Variants in ZNF565 observed in about 807,000 individuals in gnomAD.
ZNF565 encodes the protein zinc finger protein 565.
ZNF565 carries 27 observed loss-of-function variants against 39.4 expected under a neutral mutation model. That is an observed-to-expected ratio of 0.69 (90% CI 0.51 to 0.95). ZNF565 has a LOEUF of 0.95. Among genes scored for constraint, ZNF565 ranks in the 40% least tolerant of loss-of-function variants. The pLI, the probability that ZNF565 is intolerant of heterozygous loss-of-function variation, is 0.00. For synonymous variants in ZNF565, 185 were observed against 216.6 expected (o/e 0.85, Z 1.28); for missense variants, 524 against 621.1 (o/e 0.84, Z 1.66).
intron 1 of ZNF565, 65 bp from the exon 2 acceptor site, chr19:36,202,115 C>T (rs899359640): frequency 3.6e-6 from 3 of 843,464 alleles, no homozygotes; most frequent in African/African-American, 1.7e-5. Context: ...TCAGCACTCC[C>T]AAATAGATGA....
Position 36,183,751 on chromosome 19 carries a change from G to T in ZNF565, c.233-18C>A. On this transcript the variant is annotated intron_variant, in intron 4 of 4. Transcript: ENST00000304116. ...CTCCAAGTCTGAAAAATAAGAAAAA[G>T]ATAAATACAAGCTGTGATCCTTCTC... is the stretch of plus-strand genomic sequence containing the variant. The T allele has an allele frequency of 6.3e-7, 1 of 1,590,242 alleles. No individual in the cohort carries two copies. The highest frequency in any genetic ancestry group is 1.1e-5 in the South Asian group (1 of 88,504).
At chr19:36,206,223 A>C (rs1976147234) in intron 1 of ZNF565, among the ~76,000 whole-genome samples, 1 of 152,046 alleles carries the variant, frequency 6.6e-6, no homozygotes, top group South Asian at 2.1e-4. Context: ...AGCCTCCCAA[A>C]GTGCTGGGAT....
intron 2 of ZNF565, among the ~76,000 whole-genome samples, chr19:36,198,459 GA>G (rs1284607913): frequency 1.3e-5 from 2 of 152,172 alleles, no homozygotes; most frequent in Non-Finnish European, 2.9e-5. Flanking sequence ...ATAGAGAGTA[GA>G]AGGATGATTA....
chr19:36,223,511 T>C (rs1183399444), intron 1 of ZNF565, among the ~76,000 whole-genome samples: 1 of 151,904 alleles, frequency 6.6e-6, no homozygotes, highest in Non-Finnish European at 1.5e-5. Flanking sequence ...TACAGGCGCA[T>C]GCCACCACGC....
chr19:36,208,687 G>C (rs1032569110), intron 1 of ZNF565, among the ~76,000 whole-genome samples: 1 of 152,130 alleles, frequency 6.6e-6, no homozygotes, highest in Admixed American at 6.6e-5. Flanking sequence ...CACATCACAA[G>C]GGCCTAGGCT....
chr19:36,193,853 T>C (rs574444115), intron 4 of ZNF565, among the ~76,000 whole-genome samples: 4 of 152,152 alleles, frequency 2.6e-5, no homozygotes, highest in East Asian at 3.9e-4. Flanking sequence ...GAGGATCGCT[T>C]AAGCCCAAGA....
At chr19:36,222,259 A>T (rs1208023350) in intron 1 of ZNF565, among the ~76,000 whole-genome samples, 1 of 151,622 alleles carries the variant, frequency 6.6e-6, no homozygotes, top group African/African-American at 2.4e-5. Flanking sequence ...TTTAAAAGAA[A>T]TTTTTTTTTC....
chr19:36,190,577 A>C (rs1412451679), intron 4 of ZNF565, among the ~76,000 whole-genome samples: 4 of 139,228 alleles, frequency 2.9e-5, no homozygotes, highest in Non-Finnish European at 4.6e-5. Context: ...ACTCCATCTC[A>C]AAAAAAAAAA....
chr19:36,230,506 G>A (rs554210909), intron 1 of ZNF565, among the ~76,000 whole-genome samples: 260 of 152,294 alleles, frequency 1.7e-3, no homozygotes, highest in Non-Finnish European at 2.9e-3. Context: ...TTTTAAATCA[G>A]CTTGGTGGGG....
chr19:36,220,048 A>C (rs970502919), intron 1 of ZNF565, among the ~76,000 whole-genome samples: 6 of 152,154 alleles, frequency 3.9e-5, no homozygotes, highest in African/African-American at 1.4e-4. Flanking sequence ...TTCTTGTCTC[A>C]TTTTGGCTGA....
rs1975676691 is a variant in ZNF565 at position 36,194,245 on chromosome 19, G to A, written c.220C>T (p.Pro74Ser). 6.2e-7 allele frequency: 1 copy of A among 1,611,962 alleles called. No individual in the cohort carries two copies. The change falls in exon 4 of 5, where the codon CCA becomes TCA. Residue 74 changes from proline (P) to serine (S), a missense_variant. Transcript: ENST00000304116. Reference sequence around the variant, plus strand: ...GGCCCTCGCTTACCTGGGCACCATGGTCCTGTCACATCATTTGCAATCATC... The same window carrying A: ...GGCCCTCGCTTACCTGGGCACCATGATCCTGTCACATCATTTGCAATCATC... ...PWMIANDVTGPWCPDLESRCE... is the reference protein window; with the variant it reads ...PWMIANDVTGSWCPDLESRCE...
chr19:36,198,476 G>A (rs531876789), intron 2 of ZNF565, among the ~76,000 whole-genome samples: 1 of 152,158 alleles, frequency 6.6e-6, no homozygotes, highest in Non-Finnish European at 1.5e-5. Context: ...GATTACTGAA[G>A]GCTGGGAAGG....
intron 1 of ZNF565, among the ~76,000 whole-genome samples, chr19:36,210,830 C>T (rs532368647): frequency 1.3e-5 from 2 of 152,038 alleles, no homozygotes; most frequent in East Asian, 1.9e-4. Flanking sequence ...CAATGGTCCC[C>T]GGGAAATTTG....
chr19:36,182,261 A>C, downstream of ZNF565: 1 of 437,316 alleles, frequency 2.3e-6, no homozygotes, highest in Non-Finnish European at 4.0e-6. Flanking sequence ...AGCATAGATT[A>C]TCTGATGCTT....
intron 4 of ZNF565, among the ~76,000 whole-genome samples, chr19:36,191,006 A>C (rs1568412991): frequency 6.6e-6 from 1 of 151,302 alleles, no homozygotes; most frequent in African/African-American, 2.4e-5. Context: ...AAAAAAAAAA[A>C]AAAACACATA....
rs548387202 is a variant in ZNF565, at chr19:36,221,445, C to T, written c.56-19395G>A. 7.9e-5 allele frequency among the ~76,000 whole-genome samples: 12 copies of T among 151,994 alleles called. No individual in the cohort carries two copies. The South Asian group carries it at 1.9e-3, about 24-fold the overall frequency. On this transcript the variant is annotated intron_variant, in intron 1 of 4. Coordinates refer to the ZNF565 transcript ENST00000355114. ...CTGGGACTATAGGTGTCAGCCACCA[C>T]GCCCGGCTAATTTTTTGTATTTTTA... is the stretch of plus-strand genomic sequence containing the variant.
At chr19:36,238,740 TTTTA>T (rs1447150086) in intron 1 of ZNF565, 2 of 167,090 alleles carry the variant, frequency 1.2e-5, no homozygotes, top group Admixed American at 1.3e-4. Context: ...AATTAATCTA[TTTTA>T]TTAAAATTTA....
At chr19:36,240,338 T>G (rs1264943048) in intron 1 of ZNF565, among the ~76,000 whole-genome samples, 1 of 152,172 alleles carries the variant, frequency 6.6e-6, no homozygotes, top group African/African-American at 2.4e-5. Context: ...GGAGGATTGC[T>G]TGAGCCCAGG....
intron 2 of ZNF565, 25 bp downstream of exon 2, chr19:36,201,952 A>C: frequency 6.2e-7 from 1 of 1,613,214 alleles, no homozygotes; most frequent in Non-Finnish European, 8.5e-7. Flanking sequence ...AGATCATTCT[A>C]AGGATAGAAG....
Sources: allele counts gnomAD v4.1 joint callset (sites outside exome capture counted in the v4.1 genomes callset), GRCh38; gene constraint gnomAD v4.1.1; transcripts MANE v1.5; gene names NCBI Gene and HGNC (gene_info 2026-07-23, HGNC 2026-07-21).